The following RGS7 variants were observed in gnomAD, a reference collection of about 807,000 sequenced individuals.
RGS7 encodes regulator of G protein signaling 7.
A neutral mutation model predicts 81.1 loss-of-function variants in RGS7; 27 were observed. That is an observed-to-expected ratio of 0.33 (90% CI 0.25 to 0.46). The LOEUF is 0.46. Among genes scored for constraint, RGS7 ranks in the 20% least tolerant of loss-of-function variants. RGS7 has a pLI of 1.00. For synonymous variants in RGS7, 208 were observed against 207.7 expected (o/e 1.00, Z -0.01); for missense variants, 396 against 607.4 (o/e 0.65, Z 3.66).
intron 2 of RGS7, among the ~76,000 whole-genome samples, chr1:241,227,979 C>G (rs2075419122): frequency 6.6e-6 from 1 of 152,150 alleles, no homozygotes; most frequent in Admixed American, 6.5e-5. Context: ...CTCTTCAGAT[C>G]TAGGCTACCT....
At chr1:240,791,893 T>C (rs985060379) in intron 18 of RGS7, among the ~76,000 whole-genome samples, 1 of 152,252 alleles carries the variant, frequency 6.6e-6, no homozygotes, top group African/African-American at 2.4e-5. Flanking sequence ...GGAATTCTGC[T>C]TAACTCTTTT....
chr1:241,017,785 C>A (rs554643684), intron 3 of RGS7, among the ~76,000 whole-genome samples: 3 of 152,142 alleles, frequency 2.0e-5, no homozygotes, highest in Admixed American at 6.5e-5. Context: ...ATAGGATAAG[C>A]CTAAGGTTTT....
chr1:241,294,400 G>A (rs1162774423), intron 2 of RGS7, among the ~76,000 whole-genome samples: 1 of 151,906 alleles, frequency 6.6e-6, no homozygotes, highest in Non-Finnish European at 1.5e-5. Flanking sequence ...TAACAAACCT[G>A]CACATTCTGC....
intron 3 of RGS7, among the ~76,000 whole-genome samples, chr1:241,066,684 G>C (rs1050258165): frequency 6.6e-6 from 1 of 152,072 alleles, no homozygotes; most frequent in African/African-American, 2.4e-5. Flanking sequence ...TCACATCAAA[G>C]ACCCACTAAA....
chr1:241,270,501 A>T (rs1386298427), intron 2 of RGS7, among the ~76,000 whole-genome samples: 3 of 152,192 alleles, frequency 2.0e-5, no homozygotes, highest in Non-Finnish European at 4.4e-5. Context: ...TTTTTTAACA[A>T]GACAAAATTT....
At chr1:240,967,024 G>A (rs1682419858) in intron 4 of RGS7, among the ~76,000 whole-genome samples, 1 of 152,176 alleles carries the variant, frequency 6.6e-6, no homozygotes, top group African/African-American at 2.4e-5. Context: ...TCATATTCTA[G>A]TGAATATGTG....
chr1:241,118,454 T>A (rs975306182), intron 2 of RGS7, among the ~76,000 whole-genome samples: 21 of 152,150 alleles, frequency 1.4e-4, no homozygotes, highest in South Asian at 4.1e-4. Flanking sequence ...AGATTTTTTT[T>A]AAAAAATCAA....
Position 241,114,304 on chromosome 1 carries a change from T to A in RGS7, c.79-15542A>T, listed in dbSNP as rs150209645. 3.3e-3 allele frequency among the ~76,000 whole-genome samples: 497 copies of A among 152,168 alleles called. 1 individual carries two copies. Among genetic ancestry groups the A allele is most frequent in the Non-Finnish European group, 5.3e-3 (360 of 68,012 alleles). On this transcript the variant is annotated intron_variant, in intron 2 of 18. Coordinates refer to ENST00000440928, the MANE Select transcript of RGS7 (RefSeq NM_001364886.1). ...CTTTCAGCTTCCCCATGCAACAACC[T>A]CCAGTCAGAGCTCGCTCTTTCTCTC... is the stretch of plus-strand genomic sequence containing the variant.
At chr1:241,220,997 G>GGAAGGAAGGAAGGAAGAAAGAAAGAA (rs1558203322) in intron 2 of RGS7, among the ~76,000 whole-genome samples, 1 of 90,158 alleles carries the variant, frequency 1.1e-5, no homozygotes, top group Admixed American at 1.2e-4. Flanking sequence ...AAGGAAGGAA[G>GGAAGGAAGGAAGGAAGAAAGAAAGAA]AGAGAGAGAA....
intron 18 of RGS7, among the ~76,000 whole-genome samples, chr1:240,784,025 A>AT (rs1302927404): frequency 6.6e-6 from 1 of 150,546 alleles, no homozygotes; most frequent in Non-Finnish European, 1.5e-5. Flanking sequence ...AAAAAAAAAA[A>AT]AAAAAAAAAA....
At chr1:240,990,827 T>C (rs906576242) in intron 3 of RGS7, among the ~76,000 whole-genome samples, 2 of 152,226 alleles carry the variant, frequency 1.3e-5, no homozygotes, top group Admixed American at 6.5e-5. Context: ...TCAGATACAT[T>C]TGAAGCATTT....
intron 9 of RGS7, among the ~76,000 whole-genome samples, chr1:240,855,308 C>CAA (rs758331434): frequency 1.2e-3 from 18 of 14,882 alleles, no homozygotes; most frequent in South Asian, 5.1e-3. Flanking sequence ...GACCATGTCT[C>CAA]AAAAAAAAAA....
rs149836450 is a variant in RGS7 at position 240,815,836 on chromosome 1, G to A, written c.783+481C>T. Among the ~76,000 whole-genome samples the A allele has an allele frequency of 8.5e-3, 1,298 of 152,326 alleles. 10 individuals carry two copies. The highest frequency in any genetic ancestry group is 0.019 in the East Asian group (100 of 5,182). ...TAGTGTATAGCATGACTCCATGGCT[G>A]TACGCCAGTGGTGATAAGAAAAAAC... On this transcript the variant is annotated intron_variant, in intron 11 of 18. Transcript: ENST00000440928.
At chr1:240,811,388 C>G (rs775268235) in intron 14 of RGS7, among the ~76,000 whole-genome samples, 81 of 152,228 alleles carry the variant, frequency 5.3e-4, no homozygotes, top group Non-Finnish European at 1.0e-3. Flanking sequence ...GGGTGTCACT[C>G]TCTCACGAAC....
intron 3 of RGS7, among the ~76,000 whole-genome samples, chr1:241,080,995 A>G (rs1385277444): frequency 6.6e-6 from 1 of 152,112 alleles, no homozygotes; most frequent in Non-Finnish European, 1.5e-5. Context: ...TTTTCTGTCC[A>G]ATATCCTCCC....
chr1:240,967,394 G>A (rs536069348), intron 4 of RGS7, among the ~76,000 whole-genome samples: 29 of 152,208 alleles, frequency 1.9e-4, no homozygotes, highest in African/African-American at 6.0e-4. Context: ...GGAAAGGGTC[G>A]TAGTTACCCT....
chr1:241,274,009 G>T (rs1246832168), intron 2 of RGS7, among the ~76,000 whole-genome samples: 6 of 152,234 alleles, frequency 3.9e-5, no homozygotes, highest in African/African-American at 1.4e-4. Flanking sequence ...AGTCCACCAA[G>T]AATAAAAGCA....
At chr1:240,867,943 G>T (rs1663615824) in intron 9 of RGS7, among the ~76,000 whole-genome samples, 2 of 151,186 alleles carry the variant, frequency 1.3e-5, no homozygotes, top group African/African-American at 4.9e-5. Flanking sequence ...AGAGGTTACA[G>T]TGAGCCAAGA....
rs188415026 is a variant in RGS7 at position 241,125,832 on chromosome 1, C to T, written c.79-27070G>A. ...ATACATTAAATCCTTTTTTCTACCT[C>T]GATCTTATTTCCTCTTAGGAACTGA... On this transcript the variant is annotated intron_variant, in intron 2 of 18. Coordinates refer to ENST00000440928, the MANE Select transcript of RGS7 (RefSeq NM_001364886.1). Among the ~76,000 whole-genome samples the T allele has an allele frequency of 3.4e-3, 516 of 152,196 alleles. 4 individuals carry two copies. The highest frequency in any genetic ancestry group is 2.1e-3 in the Non-Finnish European group (146 of 68,000).
Sources: allele counts gnomAD v4.1 joint callset (sites outside exome capture counted in the v4.1 genomes callset), GRCh38; gene constraint gnomAD v4.1.1; transcripts MANE v1.5; gene names NCBI Gene and HGNC (gene_info 2026-07-23, HGNC 2026-07-21).